The following SIK2 variants were observed in gnomAD, a reference collection of about 807,000 sequenced individuals.
The protein encoded by SIK2 is serine/threonine-protein kinase SIK2.
A neutral mutation model predicts 103.2 loss-of-function variants in SIK2; 29 were observed. The ratio of observed to expected loss-of-function variants is 0.28; its 90% CI spans 0.21 to 0.38. SIK2 has a LOEUF of 0.38. Ranked by LOEUF, SIK2 falls within the 10% of genes least tolerant of loss-of-function variation. The probability of loss-of-function intolerance (pLI) is 1.00; values close to 1 mark genes in which losing one functional copy is unlikely to be tolerated. For synonymous variants in SIK2, 412 were observed against 446.1 expected (o/e 0.92, Z 0.96); for missense variants, 879 against 1,171.0 (o/e 0.75, Z 3.64).
chr11:111,636,335 A>G (rs550174103), intron 3 of SIK2, among the ~76,000 whole-genome samples: 1 of 152,292 alleles, frequency 6.6e-6, no homozygotes, highest in South Asian at 2.1e-4. Context: ...TCATATGTGA[A>G]TAGTCTAATT....
chr11:111,614,570 G>T (rs555998090), intron 1 of SIK2, among the ~76,000 whole-genome samples: 2 of 152,324 alleles, frequency 1.3e-5, no homozygotes, highest in East Asian at 3.9e-4. Context: ...CTCATTAAGT[G>T]AAGTGGATCA....
chr11:111,612,317 T>C (rs1356147410), intron 1 of SIK2, among the ~76,000 whole-genome samples: 1 of 152,192 alleles, frequency 6.6e-6, no homozygotes, highest in Non-Finnish European at 1.5e-5. Context: ...TGCTGAAGTA[T>C]CTTTAAAAAT....
At chr11:111,605,189 C>T (rs1322812937) in intron 1 of SIK2, among the ~76,000 whole-genome samples, 2 of 152,086 alleles carry the variant, frequency 1.3e-5, no homozygotes, top group African/African-American at 4.8e-5. Context: ...TTTCGAACTC[C>T]TGACCTCAAG....
intron 3 of SIK2, among the ~76,000 whole-genome samples, chr11:111,637,374 A>G (rs3017767): frequency 0.61 from 91,710 of 151,150 alleles, 31,032 homozygotes; most frequent in East Asian, 0.96. Context: ...TTGGATACAT[A>G]TGCAGGATGT....
At chr11:111,625,129 G>A (rs766263105) in intron 3 of SIK2, among the ~76,000 whole-genome samples, 1 of 152,128 alleles carries the variant, frequency 6.6e-6, no homozygotes, top group Admixed American at 6.6e-5. Flanking sequence ...CATTGTGTAG[G>A]CCATTAGAAG....
At chr11:111,700,076 G>A (rs1943177957) in intron 4 of SIK2, among the ~76,000 whole-genome samples, 1 of 152,192 alleles carries the variant, frequency 6.6e-6, no homozygotes, top group Non-Finnish European at 1.5e-5. Flanking sequence ...AGACTATAAA[G>A]GCTTAGCAAA....
At chr11:111,713,736 A>G (rs187350246) in intron 9 of SIK2, among the ~76,000 whole-genome samples, 22 of 152,340 alleles carry the variant, frequency 1.4e-4, no homozygotes, top group Admixed American at 1.2e-3. Flanking sequence ...TGGGAGGCCA[A>G]GGCGGACAGA....
At chr11:111,672,193 G>A in intron 3 of SIK2, 1 of 406,756 alleles carries the variant, frequency 2.5e-6, no homozygotes, top group South Asian at 2.2e-5. Flanking sequence ...CATAATGGCT[G>A]TGATGCCCCC....
At chr11:111,710,944 A>G (rs931268418) in intron 8 of SIK2, among the ~76,000 whole-genome samples, 6 of 152,256 alleles carry the variant, frequency 3.9e-5, no homozygotes, top group South Asian at 2.1e-4. Context: ...TCTGCCTTTC[A>G]TAGTCTAGTA....
At chr11:111,629,643 A>G (rs923116973) in intron 3 of SIK2, among the ~76,000 whole-genome samples, 2 of 152,208 alleles carry the variant, frequency 1.3e-5, no homozygotes, top group African/African-American at 2.4e-5. Flanking sequence ...TAAAAAGACA[A>G]CCCAATTTAA....
intron 4 of SIK2, among the ~76,000 whole-genome samples, chr11:111,695,464 T>C (rs1027241027): frequency 6.6e-6 from 1 of 152,190 alleles, no homozygotes; most frequent in South Asian, 2.1e-4. Flanking sequence ...TTATTTAATC[T>C]CCTATTTAAA....
chr11:111,727,340 A>C lies in SIK2; in HGVS notation c.*3211A>C. On this transcript the variant is annotated 3_prime_UTR_variant, in exon 15 of 15. Coordinates refer to ENST00000304987, the MANE Select transcript of SIK2 (RefSeq NM_015191.3). ...TCCATCCACTTTTGCCTCCTAGGAAAGAAAAAGTCAGTGGCCCTTTCTTCC... is the reference window on the plus strand; with the variant it reads ...TCCATCCACTTTTGCCTCCTAGGAACGAAAAAGTCAGTGGCCCTTTCTTCC... The C allele has an allele frequency of 2.1e-6, 1 of 466,436 alleles. No individual in the cohort carries two copies. The highest frequency in any genetic ancestry group is 3.8e-6 in the Non-Finnish European group (1 of 260,474). 28.9% of individuals were successfully genotyped at this position (466,436 alleles called of 1,614,324 possible). A position where few individuals can be genotyped will look rare whatever the true frequency, so the allele number is the denominator to read the frequency against.
chr11:111,680,705 T>C (rs924079112), intron 3 of SIK2, among the ~76,000 whole-genome samples: 1 of 152,168 alleles, frequency 6.6e-6, no homozygotes, highest in Non-Finnish European at 1.5e-5. Flanking sequence ...TTTGATAAGA[T>C]GCTGGGAAGG....
rs117390352 is a variant in SIK2, at chr11:111,670,532, G to A, written c.317-17469G>A. ...TATTTATATAAAAGTTTAATGGTCC[G>A]CAAAATATTTGAATAGCACATGAGG... On this transcript the variant is annotated intron_variant, in intron 3 of 14. Coordinates refer to ENST00000304987, the MANE Select transcript of SIK2 (RefSeq NM_015191.3). Among the ~76,000 whole-genome samples, 1,243 of 152,184 alleles carry A rather than the reference G, an allele frequency of 8.2e-3. 11 individuals are homozygous for A. The highest frequency in any genetic ancestry group is 0.058 in the Middle Eastern group (17 of 294).
chr11:111,616,733 C>A (rs910742408), intron 2 of SIK2, among the ~76,000 whole-genome samples: 2 of 151,988 alleles, frequency 1.3e-5, no homozygotes, highest in African/African-American at 4.8e-5. Context: ...GTAGTCCCAG[C>A]TACTTGGGAG....
intron 3 of SIK2, among the ~76,000 whole-genome samples, chr11:111,647,197 T>A (rs1376434650): frequency 6.6e-6 from 1 of 152,178 alleles, no homozygotes; most frequent in African/African-American, 2.4e-5. Flanking sequence ...TTTAGATTAC[T>A]TCCAGTTTTT....
intron 3 of SIK2, among the ~76,000 whole-genome samples, chr11:111,678,869 A>G (rs1195027830): frequency 3.3e-5 from 5 of 152,208 alleles, no homozygotes. Context: ...GTGCCAGTTC[A>G]TGTGCAGAGC....
intron 7 of SIK2, among the ~76,000 whole-genome samples, chr11:111,704,278 T>C (rs1164943540): frequency 1.3e-5 from 2 of 152,202 alleles, no homozygotes; most frequent in Non-Finnish European, 2.9e-5. Flanking sequence ...GTGCTCTGCA[T>C]CCTGGTGCCC....
In SIK2 at chr11:111,722,606, T is replaced by G; in HGVS notation, c.2056-59T>G. 6.6e-7 allele frequency: 1 copy of G among 1,510,672 alleles called. No individual in the cohort carries two copies. The highest frequency in any genetic ancestry group is 9.1e-7 in the Non-Finnish European group (1 of 1,094,470). 93.6% of individuals were successfully genotyped at this position (1,510,672 alleles called of 1,614,324 possible). On this transcript the variant is annotated intron_variant, in intron 13 of 14. Transcript: ENST00000304987. This position sits in a 1 kb window ranked among gnomAD's most constrained non-coding sequence, Gnocchi z 4.4. ...ATCCTGCAGGCAGAAGCACATCTGA[T>G]GACTGCATCCTAGGTGACAGCACAT...
Sources: allele counts gnomAD v4.1 joint callset (sites outside exome capture counted in the v4.1 genomes callset), GRCh38; gene constraint gnomAD v4.1.1; non-coding constraint Gnocchi (gnomAD v3.1); transcripts MANE v1.5; gene names NCBI Gene and HGNC (gene_info 2026-07-23, HGNC 2026-07-21).